Variants in PTPRD observed in about 807,000 individuals in gnomAD.
PTPRD encodes receptor-type tyrosine-protein phosphatase delta.
PTPRD carries 34 observed loss-of-function variants against 214.5 expected under a neutral mutation model. The observed-to-expected ratio is 0.16, with a 90% CI of 0.12 to 0.21. PTPRD has a LOEUF of 0.21. Ranked by LOEUF, PTPRD falls within the 10% of genes least tolerant of loss-of-function variation. The pLI is 1.00. For synonymous variants in PTPRD, 1,128 were observed against 845.7 expected (o/e 1.33, Z -5.79); for missense variants, 2,545 against 2,398.7 (o/e 1.06, Z -1.27).
At chr9:9,470,716 T>G (rs1347956016) in intron 8 of PTPRD, among the ~76,000 whole-genome samples, 12 of 152,100 alleles carry the variant, frequency 7.9e-5, no homozygotes. Context: ...GCCATATGGA[T>G]TGTTTTGGTA....
At chr9:9,013,253 G>A (rs1344845048) in intron 11 of PTPRD, among the ~76,000 whole-genome samples, 2 of 151,760 alleles carry the variant, frequency 1.3e-5, no homozygotes, top group African/African-American at 2.4e-5. Flanking sequence ...ATTAATATAC[G>A]AGGCCACCGA....
chr9:8,839,336 ATT>A (rs1466492186), intron 11 of PTPRD, among the ~76,000 whole-genome samples: 13 of 151,314 alleles, frequency 8.6e-5, no homozygotes, highest in African/African-American at 2.9e-4. Context: ...TTATTTATTT[ATT>A]TATTTGAGAT....
At chr9:9,613,511 G>C (rs2094662410) in intron 7 of PTPRD, among the ~76,000 whole-genome samples, 1 of 152,012 alleles carries the variant, frequency 6.6e-6, no homozygotes, top group Non-Finnish European at 1.5e-5. Context: ...GTTTACAGAA[G>C]GATCTCCCAA....
At chr9:8,850,761 T>C (rs2097793318) in intron 11 of PTPRD, among the ~76,000 whole-genome samples, 1 of 152,234 alleles carries the variant, frequency 6.6e-6, no homozygotes, top group African/African-American at 2.4e-5. Flanking sequence ...AATTCTCTAA[T>C]AATATTTCAG....
chr9:9,397,330 G>C (rs1340407096), intron 9 of PTPRD, 119 bp downstream of exon 9: 1 of 152,188 alleles, frequency 6.6e-6, no homozygotes. Flanking sequence ...CTAATGAACT[G>C]CCAGAAGGAA....
chr9:8,800,717 T>C (rs2096554239), intron 11 of PTPRD, among the ~76,000 whole-genome samples: 1 of 152,200 alleles, frequency 6.6e-6, no homozygotes. Context: ...AGCCATTCTT[T>C]TATTTCTTCA....
chr9:9,199,498 G>A (rs187831364), intron 9 of PTPRD, among the ~76,000 whole-genome samples: 41 of 152,230 alleles, frequency 2.7e-4, no homozygotes, highest in African/African-American at 4.8e-4. Context: ...GCTATGAAGC[G>A]CTAATGAGAG....
At chr9:8,789,381 T>A (rs923157991) in intron 11 of PTPRD, among the ~76,000 whole-genome samples, 1 of 152,182 alleles carries the variant, frequency 6.6e-6, no homozygotes, top group East Asian at 1.9e-4. Flanking sequence ...GGATACATGA[T>A]ATGTAAAGCT....
intron 7 of PTPRD, among the ~76,000 whole-genome samples, chr9:9,706,061 C>T (rs1377906270): frequency 6.6e-6 from 1 of 152,032 alleles, no homozygotes; most frequent in African/African-American, 2.4e-5. Context: ...GTTAAATAAT[C>T]TAAGTAACAC....
At chr9:8,681,351 A>C (rs1430917670) in intron 12 of PTPRD, among the ~76,000 whole-genome samples, 1 of 152,220 alleles carries the variant, frequency 6.6e-6, no homozygotes, top group African/African-American at 2.4e-5. Flanking sequence ...TAGCTAGCGA[A>C]GAAAAAAAAA....
At chr9:8,570,758 A>G (rs887685171) in intron 14 of PTPRD, among the ~76,000 whole-genome samples, 3 of 152,078 alleles carry the variant, frequency 2.0e-5, no homozygotes, top group African/African-American at 4.8e-5. Flanking sequence ...TTTAAGCTGT[A>G]TCATTCATAA....
At chr9:9,885,021 G>C (rs945458854) in intron 5 of PTPRD, among the ~76,000 whole-genome samples, 1 of 152,046 alleles carries the variant, frequency 6.6e-6, no homozygotes, top group African/African-American at 2.4e-5. Flanking sequence ...TTGGCATCTA[G>C]AGGAAAGGAG....
intron 7 of PTPRD, among the ~76,000 whole-genome samples, chr9:9,634,818 T>G (rs2095705716): frequency 6.6e-6 from 1 of 152,314 alleles, no homozygotes; most frequent in East Asian, 1.9e-4. Context: ...ATGGGAACTC[T>G]AAGTACCAAT....
intron 10 of PTPRD, among the ~76,000 whole-genome samples, chr9:9,156,172 A>G (rs1456278472): frequency 6.6e-6 from 1 of 152,178 alleles, no homozygotes; most frequent in Non-Finnish European, 1.5e-5. Flanking sequence ...GAGAAAAGCA[A>G]TCTTTGTGCC....
chr9:9,901,895 T>G (rs2076488138), intron 5 of PTPRD, among the ~76,000 whole-genome samples: 1 of 152,184 alleles, frequency 6.6e-6, no homozygotes, highest in African/African-American at 2.4e-5. Context: ...AGACTAGATC[T>G]TGCGAGAACT....
intron 2 of PTPRD, among the ~76,000 whole-genome samples, chr9:10,402,842 A>G (rs532646911): frequency 6.6e-6 from 1 of 151,744 alleles, no homozygotes; most frequent in African/African-American, 2.4e-5. Context: ...TTTCAAAACC[A>G]TGAATGTCTT....
intron 5 of PTPRD, among the ~76,000 whole-genome samples, chr9:9,782,126 T>G (rs1403756560): frequency 2.6e-5 from 4 of 152,070 alleles, no homozygotes; most frequent in Non-Finnish European, 5.9e-5. Context: ...TCCAGAAGTA[T>G]TCTTTGACTC....
At chr9:8,321,541 T>C (rs1337670402) in intron 44 of PTPRD, among the ~76,000 whole-genome samples, 1 of 129,748 alleles carries the variant, frequency 7.7e-6, no homozygotes, top group Non-Finnish European at 1.7e-5. Flanking sequence ...GGTATATGCA[T>C]CGCAATTCCT....
At chr9:8,768,554 A>G (rs974202973) in intron 11 of PTPRD, among the ~76,000 whole-genome samples, 4 of 152,162 alleles carry the variant, frequency 2.6e-5, no homozygotes, top group Non-Finnish European at 5.9e-5. Context: ...TCCTGTCTCA[A>G]AATAAATAAA....
Sources: allele counts gnomAD v4.1 joint callset (sites outside exome capture counted in the v4.1 genomes callset), GRCh38; gene constraint gnomAD v4.1.1; transcripts MANE v1.5; gene names NCBI Gene and HGNC (gene_info 2026-07-23, HGNC 2026-07-21).